The following HSPA8 variants were observed in gnomAD, a reference collection of about 807,000 sequenced individuals.
The protein encoded by HSPA8 is heat shock protein family A (Hsp70) member 8.
Under a neutral mutation model 52.8 loss-of-function variants are expected in HSPA8, and 2 were observed. The ratio of observed to expected loss-of-function variants is 0.04; its 90% CI spans 0.02 to 0.12. HSPA8 has a LOEUF of 0.12. HSPA8 is among the 10% of genes least tolerant of loss of function. The pLI is 1.00. For missense variants in HSPA8, 349 were observed against 800.5 expected (o/e 0.44, Z 6.81); for synonymous variants, 436 against 274.0 (o/e 1.59, Z -5.84).
intron 1 of HSPA8, 117 bp from the exon 2 acceptor site, chr11:123,061,446 C>T: frequency 1.3e-6 from 1 of 772,944 alleles, no homozygotes. Context: ...TAATAGTGCC[C>T]ATCACCTCCT....
chr11:123,057,513 T>C lies in HSPA8; in HGVS notation c.*221A>G. The C allele has an allele frequency of 2.3e-6, 1 of 434,004 alleles. No individual in the cohort carries two copies. The allele number at this position is 434,004 out of a possible 1,614,324, so 26.9% of individuals were successfully genotyped here. ...ATTGTATGGTGCCAATTTTAAATAGTTTTATTTAAGACATTGCATTTTCCA... is the reference window on the plus strand; with the variant it reads ...ATTGTATGGTGCCAATTTTAAATAGCTTTATTTAAGACATTGCATTTTCCA... On this transcript the variant is annotated 3_prime_UTR_variant, in exon 9 of 9. Coordinates refer to ENST00000534624, the MANE Select transcript of HSPA8 (RefSeq NM_006597.6).
chr11:123,059,377 CT>C, intron 5 of HSPA8, 95 bp downstream of exon 5: 1 of 1,398,036 alleles, frequency 7.2e-7, no homozygotes, highest in Non-Finnish European at 1.0e-6. Context: ...ATTAGCCAAG[CT>C]TTTGGTGGAA....
At chr11:123,057,998 TA>T (rs899574093) in intron 8 of HSPA8, 79 bp from the exon 9 acceptor site, 3 of 1,206,060 alleles carry the variant, frequency 2.5e-6, no homozygotes, top group Non-Finnish European at 3.5e-6. Context: ...AATCTGATAC[TA>T]AAAGTCTGGC....
At chr11:123,059,422 A>C (rs1591437535) in intron 5 of HSPA8, 51 bp downstream of exon 5, 1 of 1,501,370 alleles carries the variant, frequency 6.7e-7, no homozygotes, top group Admixed American at 1.8e-5. Context: ...CATCACAGCG[A>C]GTCACCTTGG....
chr11:123,059,378 T>C (rs1865422768), intron 5 of HSPA8, 95 bp downstream of exon 5: 14 of 1,399,092 alleles, frequency 1.0e-5, no homozygotes, highest in Non-Finnish European at 1.4e-5. Context: ...TTAGCCAAGC[T>C]TTTGGTGGAA....
intron 6 of HSPA8, 69 bp from the exon 7 acceptor site, chr11:123,058,899 G>C (rs777064602): frequency 6.7e-7 from 1 of 1,494,968 alleles, no homozygotes; most frequent in Non-Finnish European, 9.3e-7. Flanking sequence ...GTCCTGCTAA[G>C]GAAGAATGGT....
chr11:123,061,064 T>C, intron 2 of HSPA8, 56 bp downstream of exon 2: 1 of 1,483,580 alleles, frequency 6.7e-7, no homozygotes, highest in Non-Finnish European at 9.4e-7. Flanking sequence ...TTTCATAAAC[T>C]TTTGTGCTTC....
chr11:123,060,400 T>C lies in HSPA8; in HGVS notation c.412-132A>G, dbSNP rs117801002. The C allele has an allele frequency of 1.9e-3, 1,907 of 996,114 alleles. 68 individuals are homozygous for C. The East Asian group carries it at 0.046, about 24-fold the overall frequency. 61.7% of individuals were successfully genotyped at this position (996,114 alleles called of 1,614,324 possible). Reference sequence around the variant, plus strand: ...CACCAAAATGTAAATTACTGTGTAATTGTCAAGATTCACTGGTTTCTGGTG... The same window carrying C: ...CACCAAAATGTAAATTACTGTGTAACTGTCAAGATTCACTGGTTTCTGGTG... On this transcript the variant is annotated intron_variant, in intron 3 of 8. Transcript: ENST00000534624.
chr11:123,061,607 G>C, intron 1 of HSPA8: 2 of 480,332 alleles, frequency 4.2e-6, no homozygotes, highest in South Asian at 4.4e-5. Context: ...AGCACTGTCT[G>C]TTCCCCTCCC....
rs753317621 is a variant in HSPA8, at chr11:123,059,936, G to T, written c.657C>A (p.Val219=). 1.2e-6 allele frequency: 2 copies of T among 1,613,948 alleles called. No individual in the cohort carries two copies. Among genetic ancestry groups the T allele is most frequent in the Admixed American group, 1.7e-5 (1 of 60,016 alleles). ...AGTGGGTGTCTCCAGCTGTAGACTT[G>T]ACCTCAAAGATTCCATCCTCAATAG... The part of the protein sequence containing the change: ...ILTIEDGIFE[V]KSTAGDTHLG... Residue 219 remains valine (V), a synonymous_variant, in exon 5 of 9, where the codon GTC becomes GTA. Coordinates refer to ENST00000534624, the MANE Select transcript of HSPA8 (RefSeq NM_006597.6).
rs1555074112 is a variant in HSPA8 at position 123,058,243 on chromosome 11, A to AAAC, written c.1755+8_1755+9insGTT. On this transcript the variant is annotated intron_variant, in intron 8 of 8. Transcript: ENST00000534624. Reference sequence around the variant, plus strand: ...TGGGGGAGGAAAAAAAAAAAAAAAAAACACAAACCTGATTCTTATCAAGCC... The same window carrying AAAC: ...TGGGGGAGGAAAAAAAAAAAAAAAAAAACACACAAACCTGATTCTTATCAAGCC... The AAAC allele has an allele frequency of 2.0e-6, 3 of 1,510,516 alleles. No individual in the cohort carries two copies. The highest frequency in any genetic ancestry group is 2.8e-5 in the African/African-American group (2 of 70,666). The allele number at this position is 1,510,516 out of a possible 1,614,324, so 93.6% of individuals were successfully genotyped here.
rs75167610 is a variant in HSPA8, at chr11:123,061,001, A to G, written c.205+119T>C. On this transcript the variant is annotated intron_variant, in intron 2 of 8. Coordinates refer to ENST00000534624, the MANE Select transcript of HSPA8 (RefSeq NM_006597.6). Reference sequence around the variant, plus strand: ...TACAACCTGTTTTATAACAGACTTGATAACAAGTCTCTCAGCTCAGTTTTT... The same window carrying G: ...TACAACCTGTTTTATAACAGACTTGGTAACAAGTCTCTCAGCTCAGTTTTT... 7.6e-5 allele frequency: 72 copies of G among 949,084 alleles called. No homozygotes were observed. The East Asian group carries it at 1.1e-3, about 15-fold the overall frequency. The allele number at this position is 949,084 out of a possible 1,614,324, so 58.8% of individuals were successfully genotyped here.
At chr11:123,058,194 A>ACCAT (rs1865368298) in intron 8 of HSPA8, 58 bp downstream of exon 8, 18 of 1,104,884 alleles carry the variant, frequency 1.6e-5, no homozygotes, top group Middle Eastern at 2.2e-4. Context: ...AGCTTGGTTT[A>ACCAT]CCATCCCCTT....
At chr11:123,060,374 C>CA in intron 3 of HSPA8, 106 bp from the exon 4 acceptor site, 1 of 1,137,000 alleles carries the variant, frequency 8.8e-7, no homozygotes, top group Non-Finnish European at 1.3e-6. Context: ...AGCACCCCCC[C>CA]CACCAAAATG....
At chr11:123,057,949 G>A (rs367565153) in intron 8 of HSPA8, 30 bp from the exon 9 acceptor site, 100 of 1,521,178 alleles carry the variant, frequency 6.6e-5, no homozygotes, top group Non-Finnish European at 8.7e-5. Context: ...ATTACTGCAA[G>A]TTCTTTTAAT....
In HSPA8 at chr11:123,060,041, A is replaced by T; in HGVS notation, c.565-13T>A. 6.2e-7 allele frequency: 1 copy of T among 1,614,094 alleles called. No individual in the cohort carries two copies. Among genetic ancestry groups the T allele is most frequent in the Non-Finnish European group, 8.5e-7 (1 of 1,179,956 alleles). On this transcript the variant is annotated splice_polypyrimidine_tract_variant and intron_variant, in intron 4 of 8. Transcript: ENST00000534624. Reference sequence around the variant, plus strand: ...TTTCTGCTCCAACCTGCCGTTAAAAACAATCTCATTTAAATTTACGATGGA... The same window carrying T: ...TTTCTGCTCCAACCTGCCGTTAAAATCAATCTCATTTAAATTTACGATGGA...
At chr11:123,058,586 G>T (rs543249357) in intron 7 of HSPA8, 46 bp downstream of exon 7, 1 of 1,581,156 alleles carries the variant, frequency 6.3e-7, no homozygotes. Flanking sequence ...TAACTCAATT[G>T]AAATACCATT....
At chr11:123,058,226 G>GGAAA (rs1555074069) in intron 8 of HSPA8, 26 bp downstream of exon 8, 11 of 1,013,502 alleles carry the variant, frequency 1.1e-5, no homozygotes, top group African/African-American at 5.7e-5. Context: ...AGTGGGGGAG[G>GGAAA]AAAAAAAAAA....
rs368508401 is a variant in HSPA8 at position 123,060,090 on chromosome 11, G to T, written c.564+26C>A. ...GATCAAATTAATCTTAAAATAATCC[G>T]AACTTGCATCACAAATGGTACATAC... On this transcript the variant is annotated intron_variant, in intron 4 of 8. Transcript: ENST00000534624. 3.1e-6 allele frequency: 5 copies of T among 1,613,924 alleles called. No homozygotes were observed. The East Asian group carries it at 1.1e-4, about 36-fold the overall frequency.
Sources: allele counts gnomAD v4.1 joint callset, GRCh38; gene constraint gnomAD v4.1.1; transcripts MANE v1.5; gene names NCBI Gene and HGNC (gene_info 2026-07-23, HGNC 2026-07-21).